Variants in ZNF800 observed in about 807,000 individuals in gnomAD.
ZNF800 encodes zinc finger protein 800.
In ZNF800, 13 loss-of-function variants were observed where a neutral mutation model predicts 59.5. The ratio of observed to expected loss-of-function variants is 0.22; its 90% CI spans 0.14 to 0.35. The LOEUF is 0.35. ZNF800 is among the 10% of genes least tolerant of loss of function. The pLI, the probability that ZNF800 is intolerant of heterozygous loss-of-function variation, is 1.00. For missense variants in ZNF800, 621 were observed against 783.7 expected, an observed-to-expected ratio of 0.79 and a Z score of 2.48; for synonymous variants, 266 against 265.7, an observed-to-expected ratio of 1.00 and a Z score of -0.01.
At chr7:127,366,299 T>A (rs1277144810), downstream of ZNF800, among the ~76,000 whole-genome samples, 1 of 152,114 alleles carries the variant, frequency 6.6e-6, no homozygotes, top group Non-Finnish European at 1.5e-5. Context: ...AGCCCAAATG[T>A]GGAAAGCACA....
downstream of ZNF800, among the ~76,000 whole-genome samples, chr7:127,345,848 A>G (rs1030264949): frequency 1.3e-5 from 2 of 152,204 alleles, no homozygotes; most frequent in Non-Finnish European, 2.9e-5. Flanking sequence ...TCCCGGTAGG[A>G]AAGAATAGAC....
downstream of ZNF800, among the ~76,000 whole-genome samples, chr7:127,368,266 T>C (rs1178137544): frequency 6.6e-6 from 1 of 152,156 alleles, no homozygotes; most frequent in Non-Finnish European, 1.5e-5. Context: ...TTAATCTGCA[T>C]TCTACCATGT....
rs1321858917 is a variant in ZNF800, at chr7:127,373,522, A to G, written c.1814T>C (p.Val605Ala). 2.5e-6 allele frequency: 4 copies of G among 1,614,106 alleles called. No individual in the cohort carries two copies. Among genetic ancestry groups the G allele is most frequent in the Non-Finnish European group, 2.5e-6 (3 of 1,180,000 alleles). ...SPSKKYEVADVGIEVKVTKNF... is the reference protein window; with the variant it reads ...SPSKKYEVADAGIEVKVTKNF... ...TTTTGTGACTTTTACTTCAATACCG[A>G]CGTCAGCTACTTCATACTTTTTACT... is the stretch of plus-strand genomic sequence containing the variant. Residue 605 changes from valine (V) to alanine (A), a missense_variant, in exon 5 of 6, where the codon GTC (valine) becomes GCC (alanine). This residue lies in a region of ZNF800 where 94 missense variants were observed against 108.5 expected (regional missense o/e 0.87). Coordinates refer to ENST00000265827, the MANE Select transcript of ZNF800 (RefSeq NM_176814.5).
chr7:127,380,732 G>A (rs577573988), intron 3 of ZNF800, among the ~76,000 whole-genome samples: 1 of 152,302 alleles, frequency 6.6e-6, no homozygotes, highest in East Asian at 1.9e-4. Context: ...TTGATGCTGA[G>A]AAACAGAGAG....
At chr7:127,383,038 G>T (rs191110321) in intron 3 of ZNF800, among the ~76,000 whole-genome samples, 1 of 152,286 alleles carries the variant, frequency 6.6e-6, no homozygotes, top group African/African-American at 2.4e-5. Flanking sequence ...AAGTCAATAA[G>T]AATTTGTAAT....
chr7:127,378,966 C>A (rs1465888420), intron 3 of ZNF800, among the ~76,000 whole-genome samples: 1 of 151,982 alleles, frequency 6.6e-6, no homozygotes, highest in African/African-American at 2.4e-5. Context: ...AAATATGAAC[C>A]TAAATCCCAG....
chr7:127,365,130 C>T (rs1235847768), downstream of ZNF800, among the ~76,000 whole-genome samples: 2 of 152,072 alleles, frequency 1.3e-5, no homozygotes, highest in African/African-American at 4.8e-5. Flanking sequence ...TAAATGCACA[C>T]CCATATAGCA....
chr7:127,384,002 C>G (rs1408135569), intron 3 of ZNF800, among the ~76,000 whole-genome samples: 1 of 151,994 alleles, frequency 6.6e-6, no homozygotes, highest in African/African-American at 2.4e-5. Context: ...TGCCTCACTT[C>G]TTTAGCTCAG....
At position 127,374,582 on chromosome 7, in the gene ZNF800, C is replaced by T. The variant is rs1239056912; in HGVS notation, c.754G>A (p.Val252Ile). The part of the protein sequence containing the change: ...RRGVRRHIRK[V>I]HKKKMEELKK... ...AGTTCTTCCATCTTTTTCTTGTGTA[C>T]TTTTCGAATGTGACGGCGAACACCT... The change falls in exon 5 of 6, where the codon GTA becomes ATA. Residue 252 changes from valine (V) to isoleucine (I), a missense_variant. Around this residue, in one of 7 missense-constraint regions of ZNF800, gnomAD observed 218 missense variants for 230.8 expected, o/e 0.94. Transcript: ENST00000265827. The T allele has an allele frequency of 6.2e-7, 1 of 1,614,024 alleles. No individual in the cohort carries two copies.
chr7:127,355,715 G>A (rs1367699625), intron 1 of ZNF800, among the ~76,000 whole-genome samples: 5 of 151,900 alleles, frequency 3.3e-5, no homozygotes, highest in Non-Finnish European at 7.4e-5. Flanking sequence ...TAGTAACTTG[G>A]CTAAAAATAT....
At chr7:127,372,795 T>C in intron 5 of ZNF800, 1 of 985,416 alleles carries the variant, frequency 1.0e-6, no homozygotes, top group Non-Finnish European at 1.2e-6. Context: ...TAAATGCTAA[T>C]CATTTTTAAT....
At position 127,374,908 on chromosome 7, in the gene ZNF800, A is replaced by G; in HGVS notation, c.428T>C (p.Val143Ala). Residue 143 changes from valine (V) to alanine (A), a missense_variant, in exon 5 of 6, where the codon GTA (valine) becomes GCA (alanine). Physicochemically the swap from Val to Ala is moderately conservative, Grantham distance 64. Around this residue, in one of 7 missense-constraint regions of ZNF800, gnomAD observed 218 missense variants for 230.8 expected, o/e 0.94. Transcript: ENST00000265827. ...ATCAGTCCTCGAAATATATTGAAAT[A>G]CTGCATTTTGATTAGTTTCTATGGG... The part of the protein sequence containing the change: ...LEPIETNQNA[V>A]FQYISRTDNP... The G allele has an allele frequency of 6.2e-7, 1 of 1,613,948 alleles. No individual in the cohort carries two copies. Among genetic ancestry groups the G allele is most frequent in the Non-Finnish European group, 8.5e-7 (1 of 1,179,886 alleles).
At chr7:127,346,676 G>T (rs1301252768), downstream of ZNF800, 1 of 152,280 alleles carries the variant, frequency 6.6e-6, no homozygotes, top group African/African-American at 2.4e-5. Context: ...AATGTCTGAT[G>T]ATGTGCTAGT....
Position 127,392,187 on chromosome 7 carries a change from G to GAACCCGGACTCGGGCC in ZNF800, c.-202_-187dup, listed in dbSNP as rs1801351686. The GAACCCGGACTCGGGCC allele has an allele frequency of 2.5e-6, 1 of 394,818 alleles. No homozygotes were observed. Among genetic ancestry groups the GAACCCGGACTCGGGCC allele is most frequent in the African/African-American group, 2.1e-5 (1 of 48,408 alleles). 24.5% of individuals were successfully genotyped at this position (394,818 alleles called of 1,614,324 possible). ...CGCAGCCTCCGCTGACCACGCGGGG[G>GAACCCGGACTCGGGCC]AACCCGGACTCGGGCCCGACGCGCT... On this transcript the variant is annotated 5_prime_UTR_variant, in exon 1 of 6. Transcript: ENST00000265827.
chr7:127,372,236 T>C (rs1800651499), intron 5 of ZNF800, among the ~76,000 whole-genome samples: 1 of 152,132 alleles, frequency 6.6e-6, no homozygotes, highest in South Asian at 2.1e-4. Context: ...CCCAGCACTT[T>C]GGGAGGCCGA....
At position 127,348,762 on chromosome 7, in the gene ZNF800, CAA is replaced by C. The variant is rs575818567; in HGVS notation, n.225-721_225-720del. Among the ~76,000 whole-genome samples the C allele has an allele frequency of 2.3e-3, 353 of 152,252 alleles. 1 individual carries two copies. The highest frequency in any genetic ancestry group is 6.8e-3 in the Middle Eastern group (2 of 294). ...TAACTTATGTTTCCCAAATTTCATA[CAA>C]GTTTGTTTTACAGTAAAAAATATAA... On this transcript the variant is annotated intron_variant and non_coding_transcript_variant, in intron 1 of 1. Transcript: ENST00000485577.
chr7:127,361,290 CTCT>C (rs1465844814), intron 1 of ZNF800: 1 of 152,054 alleles, frequency 6.6e-6, no homozygotes, highest in Non-Finnish European at 1.5e-5. Context: ...AGAAAAATCA[CTCT>C]AAGGCCAGGT....
At chr7:127,382,136 C>T (rs928347988) in intron 3 of ZNF800, among the ~76,000 whole-genome samples, 8 of 152,106 alleles carry the variant, frequency 5.3e-5, no homozygotes, top group African/African-American at 1.9e-4. Context: ...TTATATATTT[C>T]TCTTCTTACA....
At chr7:127,363,815 A>G (rs546605058) in intron 1 of ZNF800, 12 of 152,184 alleles carry the variant, frequency 7.9e-5, no homozygotes, top group Admixed American at 2.0e-4. Flanking sequence ...TTTAAACTGG[A>G]AAGAATAATC....
Sources: gnomAD v4.1 joint callset for allele counts (sites outside exome capture counted in the v4.1 genomes callset) on GRCh38, gnomAD v4.1.1 for gene constraint, gnomAD v4.1.1 regional missense constraint, MANE v1.5 for transcripts, NCBI Gene and HGNC (gene_info 2026-07-23, HGNC 2026-07-21) for gene names.